MACROH2A2: variants seen among roughly 807,000 people sequenced by gnomAD.
MACROH2A2 encodes core histone macro-H2A.2.
MACROH2A2 carries 6 observed loss-of-function variants against 37.6 expected under a neutral mutation model. The observed-to-expected ratio is 0.16, with a 90% CI of 0.09 to 0.32. The LOEUF (loss-of-function observed/expected upper bound fraction) is 0.32. Among genes scored for constraint, MACROH2A2 ranks in the 10% least tolerant of loss-of-function variants. MACROH2A2 has a pLI of 1.00. For synonymous variants in MACROH2A2, 192 were observed against 202.7 expected, an observed-to-expected ratio of 0.95 and a Z score of 0.45; for missense variants, 290 against 485.9, an observed-to-expected ratio of 0.60 and a Z score of 3.79.
chr10:70,054,194 C>A (rs898644530), intron 1 of MACROH2A2, among the ~76,000 whole-genome samples: 18 of 152,226 alleles, frequency 1.2e-4, no homozygotes, highest in Non-Finnish European at 2.5e-4. Context: ...GAGGCCTGGT[C>A]CTTGCCAGGG....
chr10:70,087,259 A>T, intron 2 of MACROH2A2, among the ~76,000 whole-genome samples: 1 of 149,142 alleles, frequency 6.7e-6, no homozygotes. Context: ...TTTTAAACAG[A>T]ATCTCACTAT....
intron 8 of MACROH2A2, among the ~76,000 whole-genome samples, chr10:70,110,177 T>A (rs1377942574): frequency 6.6e-6 from 1 of 152,116 alleles, no homozygotes; most frequent in Non-Finnish European, 1.5e-5. Flanking sequence ...AGAATTCCTA[T>A]TAACAGGCCC....
At chr10:70,074,941 T>G (rs1037465524) in intron 1 of MACROH2A2, among the ~76,000 whole-genome samples, 1 of 152,242 alleles carries the variant, frequency 6.6e-6, no homozygotes, top group African/African-American at 2.4e-5. Flanking sequence ...ATTAGTTTTC[T>G]TATTGTTGCT....
In MACROH2A2 at chr10:70,109,181, C is replaced by T. The variant is rs116103919; in HGVS notation, c.927C>T (p.Val309=). Residue 309 remains valine (V), a synonymous_variant, in exon 8 of 9, where the codon GTC becomes GTT. Transcript: ENST00000373255. The stretch of plus-strand genomic sequence containing the variant: ...CGGAGGACAAGAAGCTAAAGTCCGT[C>T]GCGTTCCCGCCTTTCCCCAGCGGCA... ...SAAEDKKLKS[V]AFPPFPSGRN... 2.4e-5 allele frequency: 38 copies of T among 1,613,978 alleles called. No individual in the cohort carries two copies. In the South Asian group the frequency reaches 2.6e-4, roughly 11 times the overall value.
chr10:70,089,300 C>T (rs1272221077), intron 2 of MACROH2A2, among the ~76,000 whole-genome samples: 2 of 152,160 alleles, frequency 1.3e-5, no homozygotes, highest in Non-Finnish European at 2.9e-5. Context: ...GTTTATTTCA[C>T]TCTCATACAA....
At chr10:70,106,470 T>C (rs1208581520) in intron 7 of MACROH2A2, among the ~76,000 whole-genome samples, 1 of 152,200 alleles carries the variant, frequency 6.6e-6, no homozygotes, top group Non-Finnish European at 1.5e-5. Flanking sequence ...TTTTACTTGA[T>C]TGGATGTTTG....
chr10:70,097,920 A>C (rs1227462194), intron 6 of MACROH2A2, among the ~76,000 whole-genome samples: 1 of 150,200 alleles, frequency 6.7e-6, no homozygotes, highest in Non-Finnish European at 1.5e-5. Flanking sequence ...ACCAGCCTGG[A>C]CAATATAAGT....
At chr10:70,069,217 AAC>A (rs1229460758) in intron 1 of MACROH2A2, among the ~76,000 whole-genome samples, 1 of 152,168 alleles carries the variant, frequency 6.6e-6, no homozygotes, top group Admixed American at 6.5e-5. Flanking sequence ...ATTCTGAAAC[AAC>A]AGAGTCTGAA....
At chr10:70,081,884 G>A (rs987227627) in intron 2 of MACROH2A2, among the ~76,000 whole-genome samples, 2 of 152,140 alleles carry the variant, frequency 1.3e-5, no homozygotes, top group African/African-American at 4.8e-5. Context: ...AAATGCTTGA[G>A]AAGGAAACCC....
intron 2 of MACROH2A2, among the ~76,000 whole-genome samples, chr10:70,084,776 A>T (rs1246668183): frequency 6.6e-6 from 1 of 151,806 alleles, no homozygotes; most frequent in Non-Finnish European, 1.5e-5. Flanking sequence ...TAATTTTTGT[A>T]TTTTTTGTAA....
At chr10:70,073,699 C>G (rs921718737) in intron 1 of MACROH2A2, among the ~76,000 whole-genome samples, 1 of 152,168 alleles carries the variant, frequency 6.6e-6, no homozygotes, top group African/African-American at 2.4e-5. Flanking sequence ...AATATAGTCT[C>G]CTTGGTCGTA....
chr10:70,064,423 C>T (rs531133302), intron 1 of MACROH2A2, among the ~76,000 whole-genome samples: 1 of 152,194 alleles, frequency 6.6e-6, no homozygotes, highest in Non-Finnish European at 1.5e-5. Flanking sequence ...ATAAATATCA[C>T]ACCACAAAAT....
At chr10:70,093,662 G>A in intron 4 of MACROH2A2, 73 bp from the exon 5 acceptor site, 2 of 766,844 alleles carry the variant, frequency 2.6e-6, no homozygotes, top group South Asian at 1.6e-5. Context: ...GCAGCCGTGA[G>A]AAGAGCTTAA....
chr10:70,088,123 CAT>C (rs1341987188), intron 2 of MACROH2A2, among the ~76,000 whole-genome samples: 4 of 152,096 alleles, frequency 2.6e-5, no homozygotes, highest in African/African-American at 4.8e-5. Context: ...CACACGCACA[CAT>C]ATGCCCGCCT....
intron 5 of MACROH2A2, among the ~76,000 whole-genome samples, chr10:70,094,715 C>T (rs1376026110): frequency 6.6e-6 from 1 of 152,192 alleles, no homozygotes; most frequent in Non-Finnish European, 1.5e-5. Context: ...TTAGCTAAGG[C>T]AACATAAAGG....
intron 1 of MACROH2A2, among the ~76,000 whole-genome samples, chr10:70,068,094 G>A (rs1280551311): frequency 1.3e-5 from 2 of 151,258 alleles, no homozygotes; most frequent in African/African-American, 2.4e-5. Flanking sequence ...TATACATTTT[G>A]ATTCCTTTTT....
At chr10:70,093,608 C>A (rs999295759) in intron 4 of MACROH2A2, 127 bp from the exon 5 acceptor site, 5 of 612,516 alleles carry the variant, frequency 8.2e-6, no homozygotes, top group Non-Finnish European at 1.5e-5. Flanking sequence ...CAAGAAACAG[C>A]AGAACACATC....
rs191931958 is a variant in MACROH2A2, at chr10:70,075,398, G to A, written c.-59-202G>A. Among the ~76,000 whole-genome samples the A allele has an allele frequency of 1.2e-3, 184 of 152,294 alleles. 2 individuals carry two copies. The highest frequency in any genetic ancestry group is 4.2e-3 in the African/African-American group (174 of 41,558). On this transcript the variant is annotated intron_variant, in intron 1 of 8. Transcript: ENST00000373255. The surrounding 1 kb of genome is among the most constrained non-coding windows in gnomAD (Gnocchi z 5.0). Reference sequence around the variant, plus strand: ...GAGGTCAGGCTGCTTTGGTGGGGGAGGGATGTTTGTGGGTGGGCTTGCCCA... The same window carrying A: ...GAGGTCAGGCTGCTTTGGTGGGGGAAGGATGTTTGTGGGTGGGCTTGCCCA...
chr10:70,069,485 T>C lies in MACROH2A2; in HGVS notation c.-59-6115T>C, dbSNP rs1271479435. ...TTGCAGATTCAGGGTTTGTCTGGTT[T>C]CCTCTATAGCCCACGTGCATCTGGG... is the stretch of plus-strand genomic sequence containing the variant. On this transcript the variant is annotated intron_variant, in intron 1 of 8. Transcript: ENST00000373255. Among the ~76,000 whole-genome samples the C allele has an allele frequency of 2.0e-5, 3 of 152,162 alleles. No homozygotes were observed. The East Asian group carries it at 5.8e-4, about 29-fold the overall frequency.
Sources: gnomAD v4.1 joint callset for allele counts (sites outside exome capture counted in the v4.1 genomes callset) on GRCh38, gnomAD v4.1.1 for gene constraint, Gnocchi (gnomAD v3.1) non-coding constraint, MANE v1.5 for transcripts, NCBI Gene and HGNC (gene_info 2026-07-23, HGNC 2026-07-21) for gene names.